Variants in OXCT1 observed in about 807,000 individuals in gnomAD.
The protein encoded by OXCT1 is succinyl-CoA:3-ketoacid coenzyme A transferase 1, mitochondrial.
A neutral mutation model predicts 69.6 loss-of-function variants in OXCT1; 27 were observed. The ratio of observed to expected loss-of-function variants is 0.39; its 90% confidence interval spans 0.29 to 0.54. OXCT1 has a LOEUF of 0.54. OXCT1 is among the 20% of genes least tolerant of loss of function. OXCT1 has a pLI of 0.72. For missense variants in OXCT1, 437 were observed against 650.2 expected (o/e 0.67, Z 3.57); for synonymous variants, 202 against 217.8 (o/e 0.93, Z 0.64).
chr5:41,743,555 A>G (rs1743304677), intron 15 of OXCT1, among the ~76,000 whole-genome samples: 1 of 152,154 alleles, frequency 6.6e-6, no homozygotes, highest in Admixed American at 6.5e-5. Context: ...GTCCTCGCCC[A>G]TGCCTATGTC....
intron 1 of OXCT1, among the ~76,000 whole-genome samples, chr5:41,864,563 G>A (rs942452243): frequency 1.3e-5 from 2 of 152,160 alleles, no homozygotes; most frequent in Non-Finnish European, 1.5e-5. Context: ...CAGAAGGATC[G>A]TAAGATAAAG....
Position 41,862,713 on chromosome 5 carries a change from T to C in OXCT1, c.116A>G (p.His39Arg). 3.1e-6 allele frequency: 5 copies of C among 1,612,880 alleles called. No individual in the cohort carries two copies. Among genetic ancestry groups the C allele is most frequent in the Non-Finnish European group, 4.2e-6 (5 of 1,179,242 alleles). The change falls in exon 2 of 17, where the codon CAT (histidine) becomes CGT (arginine). Residue 39 changes from histidine (H) to arginine (R), a missense_variant. By Grantham distance (29) the His-to-Arg change is conservative (BLOSUM62 0). Coordinates refer to ENST00000196371, the MANE Select transcript of OXCT1 (RefSeq NM_000436.4). ...VCSFSTSAHRHTKFYTDPVEA... is the reference protein window; with the variant it reads ...VCSFSTSAHRRTKFYTDPVEA... ...TACTGGATCTGTATAAAACTTGGTA[T>C]GGCGATGAGCACTGGTGGAAAAGGA... is the stretch of plus-strand genomic sequence containing the variant.
chr5:41,826,125 G>A (rs2112346880), intron 7 of OXCT1, among the ~76,000 whole-genome samples: 1 of 152,286 alleles, frequency 6.6e-6, no homozygotes, highest in East Asian at 1.9e-4. Context: ...TTCCCCTCAA[G>A]AGTCATCACA....
At chr5:41,843,333 G>A (rs144416627) in intron 5 of OXCT1, among the ~76,000 whole-genome samples, 4 of 152,062 alleles carry the variant, frequency 2.6e-5, no homozygotes, top group South Asian at 2.1e-4. Context: ...TCCATTTACT[G>A]AGGTTTTCTT....
At chr5:41,862,616 A>C (rs559644398) in intron 2 of OXCT1, 26 bp downstream of exon 2, 1 of 1,191,790 alleles carries the variant, frequency 8.4e-7, no homozygotes, top group Admixed American at 1.7e-5. Flanking sequence ...ACATTACCAT[A>C]ACATGAAAAC....
In OXCT1 at chr5:41,771,411, GT is replaced by G. The variant is rs999244759; in HGVS notation, c.1249-9212del. 3.0e-4 allele frequency among the ~76,000 whole-genome samples: 46 copies of G among 152,138 alleles called. 1 individual carries two copies. Among genetic ancestry groups the G allele is most frequent in the Non-Finnish European group, 3.5e-4 (24 of 67,964 alleles). ...CAAGGTACAATCAATGTGTGACAAAGTTTTTTTTGTTGTTATTAAGGCACTT... is the reference window on the plus strand; with the variant it reads ...CAAGGTACAATCAATGTGTGACAAAGTTTTTTTGTTGTTATTAAGGCACTT... On this transcript the variant is annotated intron_variant, in intron 13 of 16. Transcript: ENST00000196371.
intron 13 of OXCT1, among the ~76,000 whole-genome samples, chr5:41,769,358 T>C (rs1453088589): frequency 2.0e-5 from 3 of 152,074 alleles, no homozygotes; most frequent in Middle Eastern, 6.8e-3. Flanking sequence ...TCACATCTGT[T>C]CTCAAATCTG....
chr5:41,794,822 A>C, intron 11 of OXCT1, 73 bp from the exon 12 acceptor site: 4 of 1,499,290 alleles, frequency 2.7e-6, no homozygotes, highest in Admixed American at 3.4e-5. Flanking sequence ...ACAGAGGTCC[A>C]CATCTTCTCC....
chr5:41,814,893 A>G (rs1747160539), intron 7 of OXCT1, among the ~76,000 whole-genome samples: 1 of 152,068 alleles, frequency 6.6e-6, no homozygotes, highest in Non-Finnish European at 1.5e-5. Context: ...ATAAATAAAT[A>G]AATAAAAAGA....
intron 5 of OXCT1, 131 bp from the exon 6 acceptor site, chr5:41,842,912 A>G: frequency 1.3e-6 from 1 of 749,780 alleles, no homozygotes; most frequent in Non-Finnish European, 2.4e-6. Context: ...AAAGCATCCC[A>G]GAGACTTCAA....
At chr5:41,742,849 G>C (rs1367143184) in intron 15 of OXCT1, among the ~76,000 whole-genome samples, 1 of 152,166 alleles carries the variant, frequency 6.6e-6, no homozygotes, top group Non-Finnish European at 1.5e-5. Context: ...TGGTGTATAT[G>C]TGCCGCATTT....
intron 3 of OXCT1, among the ~76,000 whole-genome samples, chr5:41,859,866 TATATATATATATATATATATGTA>T (rs753404537): frequency 0.081 from 7,732 of 94,984 alleles, 371 homozygotes; most frequent in South Asian, 0.19. Context: ...AGTATAGTAA[TATATATATATATATATATATGTA>T]ATATATATAT....
intron 7 of OXCT1, among the ~76,000 whole-genome samples, chr5:41,838,932 G>A (rs1343273323): frequency 6.6e-6 from 1 of 152,132 alleles, no homozygotes; most frequent in Non-Finnish European, 1.5e-5. Flanking sequence ...GTCACATGTG[G>A]CTAGTGGCTA....
intron 14 of OXCT1, among the ~76,000 whole-genome samples, chr5:41,758,868 A>G (rs910854460): frequency 2.0e-4 from 30 of 152,066 alleles, no homozygotes; most frequent in African/African-American, 7.2e-4. Flanking sequence ...CACTGACCCA[A>G]ACTTGGTAGC....
chr5:41,794,598 G>A, intron 12 of OXCT1, 79 bp downstream of exon 12: 1 of 1,306,402 alleles, frequency 7.7e-7, no homozygotes, highest in Non-Finnish European at 1.1e-6. Flanking sequence ...CTGTGTTTCA[G>A]AGCCTTGCTA....
intron 1 of OXCT1, among the ~76,000 whole-genome samples, chr5:41,868,414 C>T (rs955544537): frequency 2.0e-5 from 3 of 152,122 alleles, no homozygotes; most frequent in African/African-American, 7.2e-5. Flanking sequence ...ATAAGTGGTA[C>T]AGTTCAACAG....
intron 14 of OXCT1, among the ~76,000 whole-genome samples, chr5:41,759,835 C>G (rs932274169): frequency 6.6e-6 from 1 of 151,888 alleles, no homozygotes; most frequent in African/African-American, 2.4e-5. Context: ...ACAAAACAAA[C>G]AAACAAAAAA....
At chr5:41,863,445 T>A (rs955173643) in intron 1 of OXCT1, among the ~76,000 whole-genome samples, 7 of 152,092 alleles carry the variant, frequency 4.6e-5, no homozygotes, top group Non-Finnish European at 1.0e-4. Flanking sequence ...TTGACCAACA[T>A]CTCACCAACC....
chr5:41,798,472 T>C (rs2112246065), intron 11 of OXCT1, among the ~76,000 whole-genome samples: 1 of 152,220 alleles, frequency 6.6e-6, no homozygotes, highest in East Asian at 1.9e-4. Flanking sequence ...CTCTACCTAC[T>C]AGATGTTACT....
Sources: gnomAD v4.1 joint callset for allele counts (sites outside exome capture counted in the v4.1 genomes callset) on GRCh38, gnomAD v4.1.1 for gene constraint, MANE v1.5 for transcripts, NCBI Gene and HGNC (gene_info 2026-07-23, HGNC 2026-07-21) for gene names.